GANC: variants seen among roughly 807,000 people sequenced by gnomAD.
The protein encoded by GANC is neutral alpha-glucosidase C.
In GANC, 117 loss-of-function variants were observed where a neutral mutation model predicts 124.2. The ratio of observed to expected loss-of-function variants is 0.94; its 90% CI spans 0.81 to 1.10. The LOEUF (loss-of-function observed/expected upper bound fraction) is 1.10. GANC is among the 50% of genes least tolerant of loss of function. The pLI, the probability that GANC is intolerant of heterozygous loss-of-function variation, is 0.00. For missense variants in GANC, 1,140 were observed against 1,095.0 expected, an observed-to-expected ratio of 1.04 and a Z score of -0.58; for synonymous variants, 377 against 376.8, an observed-to-expected ratio of 1.00 and a Z score of -0.01.
intron 5 of GANC, among the ~76,000 whole-genome samples, chr15:42,293,652 C>T (rs977960525): frequency 4.6e-5 from 7 of 151,676 alleles, no homozygotes; most frequent in Non-Finnish European, 8.8e-5. Flanking sequence ...ATCTCTCCAC[C>T]TACTCTCTTA....
chr15:42,283,999 T>C, intron 3 of GANC: 1 of 702,550 alleles, frequency 1.4e-6, no homozygotes. Context: ...TACAGCAATT[T>C]AATGAACTAT....
intron 11 of GANC, among the ~76,000 whole-genome samples, chr15:42,325,931 AT>A (rs1188387637): frequency 6.6e-6 from 1 of 151,810 alleles, no homozygotes; most frequent in Non-Finnish European, 1.5e-5. Flanking sequence ...TAATTTTTAA[AT>A]TTTTTTGTAG....
rs1237733151 is a variant in GANC, at chr15:42,273,710, A to G, written c.-772A>G. On this transcript the variant is annotated 5_prime_UTR_variant, in exon 1 of 24. Coordinates refer to ENST00000318010, the MANE Select transcript of GANC (RefSeq NM_198141.3). ...TTAGGACCAGGCAGGCACCCCGTGCAGGATTTGGCTCTCTACTTCCGCTCG... is the reference window on the plus strand; with the variant it reads ...TTAGGACCAGGCAGGCACCCCGTGCGGGATTTGGCTCTCTACTTCCGCTCG... The G allele has an allele frequency of 8.3e-6, 3 of 360,306 alleles. No individual in the cohort carries two copies. Among genetic ancestry groups the G allele is most frequent in the Admixed American group, 7.6e-5 (2 of 26,174 alleles). The allele number at this position is 360,306 out of a possible 1,614,324, so 22.3% of individuals were successfully genotyped here.
chr15:42,341,797 C>T (rs574692026), intron 18 of GANC, among the ~76,000 whole-genome samples: 1 of 152,276 alleles, frequency 6.6e-6, no homozygotes, highest in East Asian at 1.9e-4. Flanking sequence ...CTCCTGACCT[C>T]AGGTGATCCA....
chr15:42,349,296 A>G, intron 21 of GANC, 87 bp from the exon 22 acceptor site: 1 of 820,532 alleles, frequency 1.2e-6, no homozygotes, highest in Middle Eastern at 2.3e-4. Context: ...CAAACTTTTT[A>G]CTCTGTTGTT....
At position 42,340,720 on chromosome 15, in the gene GANC, A is replaced by G. The variant is rs758343758; in HGVS notation, c.2118A>G (p.Leu706=). The G allele has an allele frequency of 5.0e-6, 8 of 1,606,930 alleles. No homozygotes were observed. Among genetic ancestry groups the G allele is most frequent in the East Asian group, 2.2e-5 (1 of 44,886 alleles). Residue 706 remains leucine (L), a synonymous_variant, in exon 18 of 24, where the codon CTA becomes CTG. Coordinates refer to ENST00000318010, the MANE Select transcript of GANC (RefSeq NM_198141.3). ...TGTGGGTAGAGTTCCCTGATGAACT[A>G]AAGACTTTTGATATGGAAGATGAAT... The part of the protein sequence containing the change: ...RPLWVEFPDE[L]KTFDMEDEYM...
At chr15:42,304,307 A>G (rs758559612) in intron 6 of GANC, among the ~76,000 whole-genome samples, 3 of 152,224 alleles carry the variant, frequency 2.0e-5, no homozygotes, top group Non-Finnish European at 4.4e-5. Flanking sequence ...TTTGAAACCA[A>G]TGAGAACAAA....
chr15:42,340,632 G>T, intron 17 of GANC, 58 bp from the exon 18 acceptor site: 3 of 1,220,118 alleles, frequency 2.5e-6, no homozygotes, highest in Non-Finnish European at 3.5e-6. Flanking sequence ...AAATATAAGT[G>T]ATTGATTGCA....
Position 42,306,058 on chromosome 15 carries a change from G to A in GANC, c.559-488G>A, listed in dbSNP as rs375829745. ...TTTTTTTTTTTTGAGACAGAGTCTC[G>A]CTGTGTCGCCCAGGCTGGAGTGCAG... On this transcript the variant is annotated intron_variant, in intron 6 of 23. Coordinates refer to ENST00000318010, the MANE Select transcript of GANC (RefSeq NM_198141.3). 4.7e-5 allele frequency among the ~76,000 whole-genome samples: 7 copies of A among 148,486 alleles called. No individual in the cohort carries two copies. The East Asian group carries it at 1.2e-3, about 25-fold the overall frequency.
At chr15:42,349,761 G>T (rs1189146589) in intron 22 of GANC, among the ~76,000 whole-genome samples, 2 of 151,624 alleles carry the variant, frequency 1.3e-5, no homozygotes, top group African/African-American at 4.9e-5. Flanking sequence ...GATTTCTCCT[G>T]CCTCAGCCTC....
At chr15:42,342,116 G>C (rs2052332634) in intron 18 of GANC, among the ~76,000 whole-genome samples, 1 of 151,964 alleles carries the variant, frequency 6.6e-6, no homozygotes, top group South Asian at 2.1e-4. Context: ...GTAAGGTCAG[G>C]AGCCACGCTT....
intron 13 of GANC, among the ~76,000 whole-genome samples, chr15:42,328,837 A>T (rs4923945): frequency 0.1 from 15,754 of 152,270 alleles, 1,174 homozygotes; most frequent in Admixed American, 0.19. Flanking sequence ...GATCATGTTA[A>T]CAAACAGGTA....
chr15:42,352,798 C>A lies in GANC; in HGVS notation c.*659C>A. ...TGTTTTTTTAATTAAGTGCTGTTTACTAACCAAATAATATTTATAACATGA... is the reference window on the plus strand; with the variant it reads ...TGTTTTTTTAATTAAGTGCTGTTTAATAACCAAATAATATTTATAACATGA... On this transcript the variant is annotated 3_prime_UTR_variant, in exon 24 of 24. Coordinates refer to ENST00000318010, the MANE Select transcript of GANC (RefSeq NM_198141.3). 1 of 815,968 alleles carries A rather than the reference C, an allele frequency of 1.2e-6. No individual in the cohort carries two copies. Among genetic ancestry groups the A allele is most frequent in the Non-Finnish European group, 1.5e-6 (1 of 675,494 alleles). 50.5% of individuals were successfully genotyped at this position (815,968 alleles called of 1,614,324 possible). A position where few individuals can be genotyped will look rare whatever the true frequency, so the allele number is the denominator to read the frequency against.
intron 15 of GANC, among the ~76,000 whole-genome samples, chr15:42,336,204 A>G (rs2052282449): frequency 6.6e-6 from 1 of 152,096 alleles, no homozygotes; most frequent in South Asian, 2.1e-4. Flanking sequence ...AGAACAAAGC[A>G]GGAGGCAATA....
chr15:42,312,324 A>G (rs1203955462), intron 10 of GANC, among the ~76,000 whole-genome samples: 1 of 152,128 alleles, frequency 6.6e-6, no homozygotes, highest in Non-Finnish European at 1.5e-5. Flanking sequence ...ACCCGGTGGG[A>G]GGTAATTGAA....
At chr15:42,345,213 TAA>T (rs768174264) in intron 19 of GANC, among the ~76,000 whole-genome samples, 35 of 144,334 alleles carry the variant, frequency 2.4e-4, no homozygotes, top group African/African-American at 4.5e-4. Context: ...GTGCTTTGTT[TAA>T]AAAAAAAAAA....
intron 6 of GANC, among the ~76,000 whole-genome samples, chr15:42,302,821 A>C (rs1267519231): frequency 3.3e-5 from 5 of 152,128 alleles, no homozygotes; most frequent in African/African-American, 1.2e-4. Flanking sequence ...AATCAAAAGG[A>C]ATGAACAAAG....
intron 10 of GANC, chr15:42,313,997 A>G (rs563560673): frequency 1.7e-4 from 108 of 621,326 alleles, no homozygotes; most frequent in Non-Finnish European, 2.8e-4. Context: ...TAATAGTGAC[A>G]TGGAAAAAAT....
chr15:42,329,257 TATAGACA>T, intron 13 of GANC, 42 bp from the exon 14 acceptor site: 1 of 1,570,168 alleles, frequency 6.4e-7, no homozygotes, highest in Non-Finnish European at 8.7e-7. Context: ...ACAGCTATTA[TATAGACA>T]TCATCAATGT....
Sources: gnomAD v4.1 joint callset for allele counts (sites outside exome capture counted in the v4.1 genomes callset) on GRCh38, gnomAD v4.1.1 for gene constraint, MANE v1.5 for transcripts, NCBI Gene and HGNC (gene_info 2026-07-23, HGNC 2026-07-21) for gene names.